IL7: variants seen among roughly 807,000 people sequenced by gnomAD.
IL7 encodes the protein interleukin-7.
In IL7, 3 loss-of-function variants were observed where a neutral mutation model predicts 21.6. The observed-to-expected ratio is 0.14, with a 90% CI of 0.06 to 0.36. IL7 has a LOEUF of 0.36. Among genes scored for constraint, IL7 ranks in the 10% least tolerant of loss-of-function variants. The pLI is 1.00. For missense variants in IL7, 175 were observed against 200.2 expected (o/e 0.87, Z 0.76); for synonymous variants, 62 against 68.1 (o/e 0.91, Z 0.44).
At chr8:78,679,031 C>T (rs1809676184) in intron 4 of IL7, 1 of 155,510 alleles carries the variant, frequency 6.4e-6, no homozygotes, top group African/African-American at 2.4e-5. Flanking sequence ...TGATTCATTT[C>T]ATCTTCTACC....
chr8:78,717,191 TA>T, downstream of IL7: 4 of 742,256 alleles, frequency 5.4e-6, no homozygotes, highest in Middle Eastern at 3.4e-4. Flanking sequence ...AAGGATTTTT[TA>T]AAATTTGAAC....
At chr8:78,758,795 C>T (rs984784676) in intron 2 of IL7, among the ~76,000 whole-genome samples, 2 of 152,032 alleles carry the variant, frequency 1.3e-5, no homozygotes, top group Non-Finnish European at 2.9e-5. Context: ...CTGTCTTCAA[C>T]CTTTCACAGT....
rs117872912 is a variant in IL7 at position 78,697,633 on chromosome 8, G to C, written n.215-11686C>G. 3.9e-3 allele frequency: 2,337 copies of C among 592,596 alleles called. 9 individuals carry two copies. Among genetic ancestry groups the C allele is most frequent in the Non-Finnish European group, 5.7e-3 (2,033 of 358,102 alleles). The allele number at this position is 592,596 out of a possible 1,614,324, so 36.7% of individuals were successfully genotyped here. A position where few individuals can be genotyped will look rare whatever the true frequency, so the allele number is the denominator to read the frequency against. ...AATTAAGAAGAGATGTAGAAGTTAA[G>C]TAATTATTTTTTAAAATAAGATAAC... is the stretch of plus-strand genomic sequence containing the variant. On this transcript the variant is annotated intron_variant and non_coding_transcript_variant, in intron 3 of 4. Coordinates refer to the IL7 transcript ENST00000523959.
intron 2 of IL7, chr8:78,761,948 T>C: frequency 6.2e-7 from 1 of 1,610,832 alleles, no homozygotes; most frequent in Non-Finnish European, 8.5e-7. Flanking sequence ...TTTGTTTTCC[T>C]TCTCTTCAAG....
At chr8:78,767,613 T>A (rs1220917141) in intron 2 of IL7, among the ~76,000 whole-genome samples, 1 of 152,122 alleles carries the variant, frequency 6.6e-6, no homozygotes, top group Non-Finnish European at 1.5e-5. Flanking sequence ...TTTTATATTC[T>A]TAGGGCTTAG....
chr8:78,804,906 C>G lies in IL7; in HGVS notation c.10+7G>C. On this transcript the variant is annotated splice_region_variant and intron_variant, in intron 1 of 5. Coordinates refer to ENST00000263851, the MANE Select transcript of IL7 (RefSeq NM_000880.4). ...CGAACTTGTGCGCAAGGGAGAAGAG[C>G]GCTTACCATGGAACATGGTCTGCGG... 6.2e-7 allele frequency: 1 copy of G among 1,612,994 alleles called. No individual in the cohort carries two copies. The highest frequency in any genetic ancestry group is 2.2e-5 in the East Asian group (1 of 44,828).
In IL7 at chr8:78,733,199, A is replaced by G. The variant is rs909039773; in HGVS notation, c.*514T>C. 1 of 151,956 alleles carries G rather than the reference A, an allele frequency of 6.6e-6. No individual in the cohort carries two copies. Among genetic ancestry groups the G allele is most frequent in the Non-Finnish European group, 1.5e-5 (1 of 68,064 alleles). 9.4% of individuals were successfully genotyped at this position (151,956 alleles called of 1,614,324 possible). A position where few individuals can be genotyped will look rare whatever the true frequency, so the allele number is the denominator to read the frequency against. On this transcript the variant is annotated 3_prime_UTR_variant, in exon 6 of 6. Coordinates refer to ENST00000263851, the MANE Select transcript of IL7 (RefSeq NM_000880.4). ...TGCTGTTGCTTACTTAAGGTTTATGACTCTCTTATTCTCACCGGCATTATC... is the reference window on the plus strand; with the variant it reads ...TGCTGTTGCTTACTTAAGGTTTATGGCTCTCTTATTCTCACCGGCATTATC...
At chr8:78,786,970 C>T (rs541250198) in intron 2 of IL7, among the ~76,000 whole-genome samples, 31 of 152,302 alleles carry the variant, frequency 2.0e-4, no homozygotes, top group Admixed American at 2.0e-3. Flanking sequence ...ATGCCTAACT[C>T]TCCAGAGAGC....
rs1334502110 is a variant in IL7 at position 78,740,061 on chromosome 8, T to C, written c.169A>G (p.Ser57Gly). The C allele has an allele frequency of 6.6e-7, 1 of 1,509,090 alleles. No homozygotes were observed. Among genetic ancestry groups the C allele is most frequent in the Non-Finnish European group, 8.9e-7 (1 of 1,122,540 alleles). 93.5% of individuals were successfully genotyped at this position (1,509,090 alleles called of 1,614,324 possible). A position where few individuals can be genotyped will look rare whatever the true frequency, so the allele number is the denominator to read the frequency against. ...TTAAATTCATTATTCAGGCAATTGCTACCAATTTCTTTCATGCTGTCCTGT... is the reference window on the plus strand; with the variant it reads ...TTAAATTCATTATTCAGGCAATTGCCACCAATTTCTTTCATGCTGTCCTGT... ...QLLDSMKEIG[S>G]NCLNNEFNFF... The change falls in exon 3 of 6, where the codon AGC becomes GGC. Residue 57 changes from serine to glycine, a missense_variant. Transcript: ENST00000263851.
intron 3 of IL7, among the ~76,000 whole-genome samples, chr8:78,726,275 G>A (rs1207153898): frequency 1.3e-5 from 2 of 151,832 alleles, no homozygotes; most frequent in African/African-American, 4.8e-5. Flanking sequence ...TTCTGTTAGG[G>A]TATTCAATGT....
chr8:78,718,136 A>T (rs1382872351), intron 6 of IL7: 1 of 152,068 alleles, frequency 6.6e-6, no homozygotes, highest in Non-Finnish European at 1.5e-5. Flanking sequence ...TTTCAAATAC[A>T]CAAGACTAAA....
rs557342849 is a variant in IL7 at position 78,706,633 on chromosome 8, T to A, written n.214+14715A>T. Among the ~76,000 whole-genome samples, 4 of 152,286 alleles carry A rather than the reference T, an allele frequency of 2.6e-5. No individual in the cohort carries two copies. In the East Asian group the frequency reaches 7.7e-4, roughly 29 times the overall value. On this transcript the variant is annotated intron_variant and non_coding_transcript_variant, in intron 3 of 4. Coordinates refer to the IL7 transcript ENST00000523959. ...TTTCTTTGTTCTCTGTGGGTCAAGT[T>A]GTTTCCTTGATTAGTCCCAATGCAA...
At chr8:78,734,072 G>A (rs551154351) in intron 5 of IL7, among the ~76,000 whole-genome samples, 3 of 152,234 alleles carry the variant, frequency 2.0e-5, no homozygotes, top group Admixed American at 6.5e-5. Context: ...TCAGCTGACC[G>A]CCATTTTCAC....
In IL7 at chr8:78,756,617, A is replaced by T. The variant is rs115631923; in HGVS notation, c.148-16535T>A. On this transcript the variant is annotated intron_variant, in intron 2 of 5. Transcript: ENST00000263851. ...ATTTGTTAGTGTATAGTTGCTCAAAATAATCTCTGATAGTCCTTTATATTT... is the reference window on the plus strand; with the variant it reads ...ATTTGTTAGTGTATAGTTGCTCAAATTAATCTCTGATAGTCCTTTATATTT... 7.3e-3 allele frequency among the ~76,000 whole-genome samples: 1,108 copies of T among 151,978 alleles called. 14 individuals carry two copies. The highest frequency in any genetic ancestry group is 0.025 in the African/African-American group (1,033 of 41,526).
chr8:78,756,937 G>A (rs1361037963), intron 2 of IL7, among the ~76,000 whole-genome samples: 2 of 151,408 alleles, frequency 1.3e-5, no homozygotes, highest in Non-Finnish European at 3.0e-5. Flanking sequence ...TTTTGGGCTT[G>A]GATCCCTCTT....
chr8:78,716,473 A>G (rs1811108093), downstream of IL7, among the ~76,000 whole-genome samples: 1 of 152,070 alleles, frequency 6.6e-6, no homozygotes, highest in African/African-American at 2.4e-5. Flanking sequence ...GTGCATGCAT[A>G]AGAGTTTGTT....
intron 2 of IL7, among the ~76,000 whole-genome samples, chr8:78,751,712 A>T (rs991221466): frequency 6.6e-6 from 1 of 152,234 alleles, no homozygotes; most frequent in Non-Finnish European, 1.5e-5. Flanking sequence ...GTAATGATCA[A>T]ATCAGGGTAA....
At chr8:78,717,391 A>G (rs1332794505), downstream of IL7, 1 of 1,613,600 alleles carries the variant, frequency 6.2e-7, no homozygotes, top group East Asian at 2.2e-5. Context: ...AAGGACATTC[A>G]CCTGGAAACT....
chr8:78,689,288 T>C, intron 3 of IL7: 1 of 1,602,692 alleles, frequency 6.2e-7, no homozygotes, highest in Non-Finnish European at 8.5e-7. Context: ...CATATAAATT[T>C]CTGTAAAGAA....
Sources: gnomAD v4.1 joint callset for allele counts (sites outside exome capture counted in the v4.1 genomes callset) on GRCh38, gnomAD v4.1.1 for gene constraint, MANE v1.5 for transcripts, NCBI Gene and HGNC (gene_info 2026-07-23, HGNC 2026-07-21) for gene names.